Variants in COL25A1 observed in about 807,000 individuals in gnomAD.
The protein encoded by COL25A1 is collagen type XXV alpha 1 chain.
A neutral mutation model predicts 128.4 loss-of-function variants in COL25A1; 103 were observed. The observed-to-expected ratio is 0.80, with a 90% confidence interval of 0.68 to 0.94. The LOEUF (loss-of-function observed/expected upper bound fraction) is 0.94. Ranked by LOEUF, COL25A1 falls within the 40% of genes least tolerant of loss-of-function variation. The probability of loss-of-function intolerance (pLI) is 0.00; values close to 1 mark genes in which losing one functional copy is unlikely to be tolerated. For synonymous variants in COL25A1, 279 were observed against 277.2 expected (o/e 1.01, Z -0.06); for missense variants, 745 against 840.0 (o/e 0.89, Z 1.40).
In COL25A1 at chr4:109,031,576, A is replaced by G. The variant is rs79231814; in HGVS notation, c.420+16592T>C. ...CTGCTGAAATGCCAGAGGGAGAACA[A>G]TGGCACTTGGAGCACTCAGGCAGTT... On this transcript the variant is annotated intron_variant, in intron 5 of 37. Transcript: ENST00000399132. Among the ~76,000 whole-genome samples, 134 of 152,292 alleles carry G rather than the reference A, an allele frequency of 8.8e-4. 2 individuals are homozygous for G. In the East Asian group the frequency reaches 0.021, roughly 24 times the overall value.
intron 3 of COL25A1, among the ~76,000 whole-genome samples, chr4:109,187,091 T>C (rs1039573753): frequency 6.6e-6 from 1 of 152,206 alleles, no homozygotes; most frequent in African/African-American, 2.4e-5. Context: ...TTTCAAAATA[T>C]TAATACTTGA....
chr4:109,231,995 T>C (rs1779194687), intron 3 of COL25A1, among the ~76,000 whole-genome samples: 1 of 152,186 alleles, frequency 6.6e-6, no homozygotes, highest in Non-Finnish European at 1.5e-5. Flanking sequence ...CCCTGGATAA[T>C]GTCAAAAAAT....
chr4:109,230,125 C>T (rs1012959362), intron 3 of COL25A1, among the ~76,000 whole-genome samples: 5 of 152,140 alleles, frequency 3.3e-5, no homozygotes, highest in Non-Finnish European at 4.4e-5. Context: ...CACCTCCCAC[C>T]GGGCCCCACC....
chr4:109,197,395 A>G (rs1393141990), intron 3 of COL25A1, among the ~76,000 whole-genome samples: 1 of 127,960 alleles, frequency 7.8e-6, no homozygotes, highest in Non-Finnish European at 1.6e-5. Context: ...TAATCTCTCT[A>G]TTATATATAA....
chr4:108,825,123 C>A, intron 34 of COL25A1, 73 bp downstream of exon 34: 3 of 1,243,566 alleles, frequency 2.4e-6, no homozygotes, highest in Non-Finnish European at 2.4e-6. Flanking sequence ...AAGAAGTATT[C>A]TTTTTGTTAT....
Position 108,901,197 on chromosome 4 carries a change from C to T in COL25A1, c.781-25G>A, listed in dbSNP as rs1383013629. On this transcript the variant is annotated intron_variant, in intron 13 of 37. Coordinates refer to ENST00000399132, the MANE Select transcript of COL25A1 (RefSeq NM_198721.4). ...CCTCAAAATAGAAAAATAGATACTA[C>T]TAAGTAAAATAGACAAAATCAATAC... 4 of 1,566,316 alleles carry T rather than the reference C, an allele frequency of 2.6e-6. No individual in the cohort carries two copies. In the South Asian group the frequency reaches 4.4e-5, roughly 17 times the overall value.
chr4:109,278,160 T>C (rs1223272058), intron 3 of COL25A1, among the ~76,000 whole-genome samples: 1 of 152,068 alleles, frequency 6.6e-6, no homozygotes, highest in African/African-American at 2.4e-5. Flanking sequence ...GTGCTATTAC[T>C]TTAATGAGCT....
intron 37 of COL25A1, among the ~76,000 whole-genome samples, chr4:108,816,380 G>C (rs975461659): frequency 6.6e-6 from 1 of 152,148 alleles, no homozygotes; most frequent in South Asian, 2.1e-4. Flanking sequence ...AATGAAGCAT[G>C]CCTGTCCAAA....
rs1725594151 is a variant in COL25A1 at position 109,301,940 on chromosome 4, C to G, written c.80G>C (p.Cys27Ser). Reference sequence around the variant, plus strand: ...GGCACACGGGGGCATGGTCCGGGCACAATGCTGTTCGGCAGGGGTCGGGTC... The same window carrying G: ...GGCACACGGGGGCATGGTCCGGGCAGAATGCTGTTCGGCAGGGGTCGGGTC... ...SEDPTPAEQH[C>S]ARTMPPCAVL... Residue 27 changes from cysteine to serine, a missense_variant, in exon 2 of 38, where the codon TGT becomes TCT. Physicochemically the swap from Cys to Ser is moderately radical, Grantham distance 112 (BLOSUM62 -1). Around this residue, in one of 3 missense-constraint regions of COL25A1, gnomAD observed 319 missense variants for 324.9 expected, o/e 0.98. Transcript: ENST00000399132. The G allele has an allele frequency of 1.2e-6, 2 of 1,613,710 alleles. No homozygotes were observed. Among genetic ancestry groups the G allele is most frequent in the African/African-American group, 2.7e-5 (2 of 75,072 alleles).
At chr4:108,985,566 T>C (rs1303616753) in intron 6 of COL25A1, among the ~76,000 whole-genome samples, 1 of 152,160 alleles carries the variant, frequency 6.6e-6, no homozygotes, top group African/African-American at 2.4e-5. Flanking sequence ...CTTGGGGACA[T>C]TTCTTTCCAT....
chr4:109,088,733 A>G (rs577336139), intron 3 of COL25A1, among the ~76,000 whole-genome samples: 32 of 152,362 alleles, frequency 2.1e-4, no homozygotes, highest in Admixed American at 9.8e-4. Flanking sequence ...ACATTCGAAT[A>G]GAAGACATAC....
chr4:109,101,261 A>G (rs1417910024), intron 3 of COL25A1, among the ~76,000 whole-genome samples: 2 of 152,210 alleles, frequency 1.3e-5, no homozygotes. Context: ...CATGACAGTA[A>G]TGAGAGAGGT....
rs1758300747 is a variant in COL25A1, at chr4:109,026,479, T to C, written c.421-16104A>G. Among the ~76,000 whole-genome samples, 3 of 152,220 alleles carry C rather than the reference T, an allele frequency of 2.0e-5. No homozygotes were observed. The South Asian group carries it at 6.2e-4, about 31-fold the overall frequency. ...CCGTAGATGGCAAGCAGGCGTTATA[T>C]GAAGTGTGAACTCTGGTTATTAACG... On this transcript the variant is annotated intron_variant, in intron 5 of 37. Transcript: ENST00000399132.
In COL25A1 at chr4:108,886,479, TGTGTGTGTG is replaced by T. The variant is rs1322087359; in HGVS notation, c.976-2266_976-2258del. 4.6e-4 allele frequency among the ~76,000 whole-genome samples: 60 copies of T among 131,356 alleles called. 1 individual carries two copies. The highest frequency in any genetic ancestry group is 7.0e-4 in the Non-Finnish European group (44 of 62,570). The allele number at this position is 131,356 out of a possible 152,430, so 86.2% of individuals were successfully genotyped here. A position where few individuals can be genotyped will look rare whatever the true frequency, so the allele number is the denominator to read the frequency against. ...GTGTGTGTGTGTGTGTGTGTGTGTG[TGTGTGTGTG>T]TGTGTTTAGCTCATCAGCTATTTTA... On this transcript the variant is annotated intron_variant, in intron 18 of 37. Transcript: ENST00000399132.
intron 8 of COL25A1, among the ~76,000 whole-genome samples, chr4:108,952,470 T>C (rs1749547468): frequency 6.6e-6 from 1 of 152,206 alleles, no homozygotes; most frequent in Non-Finnish European, 1.5e-5. Context: ...GGGCTTGAAT[T>C]CAGCCCCATC....
At chr4:108,849,395 A>G (rs1735507590) in intron 26 of COL25A1, among the ~76,000 whole-genome samples, 1 of 152,228 alleles carries the variant, frequency 6.6e-6, no homozygotes, top group Non-Finnish European at 1.5e-5. Flanking sequence ...TTTTAGATCA[A>G]TTCAATTTCT....
rs1461504017 is a variant in COL25A1 at position 109,239,393 on chromosome 4, T to G, written c.367+61190A>C. Reference sequence around the variant, plus strand: ...GTGTGTGTATGTGTGTGTGTGTGTGTGTATATATATATATATATATATATA... The same window carrying G: ...GTGTGTGTATGTGTGTGTGTGTGTGGGTATATATATATATATATATATATA... On this transcript the variant is annotated intron_variant, in intron 3 of 37. Coordinates refer to ENST00000399132, the MANE Select transcript of COL25A1 (RefSeq NM_198721.4). 3.6e-5 allele frequency among the ~76,000 whole-genome samples: 3 copies of G among 84,102 alleles called. No individual in the cohort carries two copies. The Admixed American group carries it at 3.8e-4, about 11-fold the overall frequency. 55.2% of individuals were successfully genotyped at this position (84,102 alleles called of 152,430 possible). A position where few individuals can be genotyped will look rare whatever the true frequency, so the allele number is the denominator to read the frequency against.
chr4:108,932,312 T>C (rs1355566265), intron 11 of COL25A1, among the ~76,000 whole-genome samples: 1 of 152,250 alleles, frequency 6.6e-6, no homozygotes, highest in Non-Finnish European at 1.5e-5. Flanking sequence ...CGTTATTAAC[T>C]AATATTTTAA....
chr4:108,982,417 G>A (rs941917548), intron 6 of COL25A1, among the ~76,000 whole-genome samples: 2 of 152,060 alleles, frequency 1.3e-5, no homozygotes, highest in African/African-American at 2.4e-5. Context: ...TAGACTAAAC[G>A]TCAGGCCCTA....
Sources: allele counts gnomAD v4.1 joint callset (sites outside exome capture counted in the v4.1 genomes callset), GRCh38; gene constraint gnomAD v4.1.1; regional missense constraint gnomAD v4.1.1; transcripts MANE v1.5; gene names NCBI Gene and HGNC (gene_info 2026-07-23, HGNC 2026-07-21).